Variants in RTN3 observed in about 807,000 individuals in gnomAD.
RTN3 encodes the protein reticulon-3.
A neutral mutation model predicts 77.8 loss-of-function variants in RTN3; 49 were observed. That is an observed-to-expected ratio of 0.63 (90% CI 0.50 to 0.80). The LOEUF (loss-of-function observed/expected upper bound fraction) is 0.80. Among genes scored for constraint, RTN3 ranks in the 30% least tolerant of loss-of-function variants. The pLI, the probability that RTN3 is intolerant of heterozygous loss-of-function variation, is 0.00. For synonymous variants in RTN3, 464 were observed against 446.9 expected (o/e 1.04, Z -0.48); for missense variants, 1,236 against 1,211.9 (o/e 1.02, Z -0.29).
intron 1 of RTN3, among the ~76,000 whole-genome samples, chr11:63,700,229 T>C (rs1388463619): frequency 1.3e-5 from 2 of 151,590 alleles, no homozygotes; most frequent in Non-Finnish European, 2.9e-5. Context: ...AGTAAATGCA[T>C]GTAGAAATGG....
chr11:63,683,322 C>G (rs1279704628), intron 1 of RTN3, among the ~76,000 whole-genome samples: 1 of 152,214 alleles, frequency 6.6e-6, no homozygotes, highest in Non-Finnish European at 1.5e-5. Flanking sequence ...AACTTAGCAA[C>G]TTGATCTTTT....
rs545469029 is a variant in RTN3, at chr11:63,726,112, C to T, written c.2530+5080C>T. On this transcript the variant is annotated intron_variant, in intron 3 of 8. Transcript: ENST00000377819. ...GGGAATCTGAAGTAATTTTTAAAAGCAATGTCAGAATGGTTTTCTTTTCTT... is the reference window on the plus strand; with the variant it reads ...GGGAATCTGAAGTAATTTTTAAAAGTAATGTCAGAATGGTTTTCTTTTCTT... Among the ~76,000 whole-genome samples the T allele has an allele frequency of 5.3e-4, 81 of 152,080 alleles. No individual in the cohort carries two copies. The Middle Eastern group carries it at 0.017, about 32-fold the overall frequency.
At chr11:63,694,010 C>T (rs1030126072) in intron 1 of RTN3, among the ~76,000 whole-genome samples, 3 of 152,008 alleles carry the variant, frequency 2.0e-5, no homozygotes, top group South Asian at 2.1e-4. Flanking sequence ...GTCCCAGCTC[C>T]TTAGGAGGCT....
intron 1 of RTN3, among the ~76,000 whole-genome samples, chr11:63,702,958 T>C (rs901749938): frequency 3.3e-5 from 5 of 152,152 alleles, no homozygotes; most frequent in Non-Finnish European, 7.3e-5. Context: ...GTGCTGGGAT[T>C]ACAGGTGTGA....
At chr11:63,721,448 G>A (rs978927284) in intron 3 of RTN3, among the ~76,000 whole-genome samples, 15 of 151,782 alleles carry the variant, frequency 9.9e-5, no homozygotes, top group African/African-American at 2.9e-4. Flanking sequence ...GGTGGCGGGC[G>A]CCTGTAGTCC....
intron 1 of RTN3, among the ~76,000 whole-genome samples, chr11:63,700,633 TCA>T (rs1313856857): frequency 2.6e-5 from 4 of 151,166 alleles, no homozygotes; most frequent in Non-Finnish European, 4.4e-5. Context: ...AGATGGAGTC[TCA>T]CTTTGTCACC....
At chr11:63,715,080 G>T (rs754142880) in intron 2 of RTN3, among the ~76,000 whole-genome samples, 1 of 152,016 alleles carries the variant, frequency 6.6e-6, no homozygotes, top group Non-Finnish European at 1.5e-5. Flanking sequence ...ATTCAATTTG[G>T]TTGCTTTCTT....
rs200098343 is a variant in RTN3, at chr11:63,719,043, G to A, written c.541G>A (p.Asp181Asn). 23 of 1,614,156 alleles carry A rather than the reference G, an allele frequency of 1.4e-5. No individual in the cohort carries two copies. The East Asian group carries it at 5.1e-4, about 36-fold the overall frequency. ...KKIGQVEEQIDKETKNPNGVS... is the reference protein window; with the variant it reads ...KKIGQVEEQINKETKNPNGVS... ...AATTGGTCAAGTGGAAGAGCAAATAGATAAAGAGACCAAGAACCCAAATGG... is the reference window on the plus strand; with the variant it reads ...AATTGGTCAAGTGGAAGAGCAAATAAATAAAGAGACCAAGAACCCAAATGG... The change falls in exon 3 of 9, where the codon GAT (aspartate) becomes AAT (asparagine). Residue 181 changes from aspartate (D) to asparagine (N), a missense_variant. By Grantham distance (23) the Asp-to-Asn change is conservative (BLOSUM62 1). This residue lies in a region of RTN3 where 1,056 missense variants were observed against 990.4 expected (regional missense o/e 1.07). Coordinates refer to ENST00000377819, the MANE Select transcript of RTN3 (RefSeq NM_001265589.2).
intron 1 of RTN3, among the ~76,000 whole-genome samples, chr11:63,688,937 C>T (rs1042156101): frequency 5.3e-5 from 8 of 152,130 alleles, no homozygotes; most frequent in African/African-American, 1.9e-4. Context: ...TGCAGAAAGA[C>T]ACTTCTCTTT....
chr11:63,758,135 T>C lies in RTN3; in HGVS notation c.3054-21T>C, dbSNP rs140997881. The C allele has an allele frequency of 7.5e-4, 1,128 of 1,506,764 alleles. 8 individuals carry two copies. The African/African-American group carries it at 0.014, about 19-fold the overall frequency. 93.3% of individuals were successfully genotyped at this position (1,506,764 alleles called of 1,614,324 possible). ...GCTAATGTTTTCACTTTCTTTCTTT[T>C]TCCCCTCCTTTTCTCAATAGGATCC... is the stretch of plus-strand genomic sequence containing the variant. On this transcript the variant is annotated intron_variant, in intron 8 of 8. Coordinates refer to ENST00000377819, the MANE Select transcript of RTN3 (RefSeq NM_001265589.2).
In RTN3 at chr11:63,681,539, G is replaced by C; in HGVS notation, c.-98G>C. On this transcript the variant is annotated 5_prime_UTR_variant, in exon 1 of 9. Coordinates refer to ENST00000377819, the MANE Select transcript of RTN3 (RefSeq NM_001265589.2). ...TGTCCTCGGAGCAGGCGGAGTAAAG[G>C]GACTTGAGCGAGCCAGTTGCCGGAT... 7.8e-7 allele frequency: 1 copy of C among 1,275,828 alleles called. No homozygotes were observed. Among genetic ancestry groups the C allele is most frequent in the Non-Finnish European group, 1.1e-6 (1 of 936,652 alleles). 79.0% of individuals were successfully genotyped at this position (1,275,828 alleles called of 1,614,324 possible). A position where few individuals can be genotyped will look rare whatever the true frequency, so the allele number is the denominator to read the frequency against.
chr11:63,687,969 G>A (rs974446004), intron 1 of RTN3, among the ~76,000 whole-genome samples: 1 of 152,098 alleles, frequency 6.6e-6, no homozygotes, highest in Non-Finnish European at 1.5e-5. Flanking sequence ...GCTGCCACCC[G>A]CTTCCACTGA....
rs187530822 is a variant in RTN3 at position 63,728,964 on chromosome 11, G to A, written c.2530+7932G>A. On this transcript the variant is annotated intron_variant, in intron 3 of 8. Coordinates refer to ENST00000377819, the MANE Select transcript of RTN3 (RefSeq NM_001265589.2). ...CAGGGAAATGACAATTATAATTAGA[G>A]CTTACTTCTTACTAGAAACCACAGA... 1.3e-3 allele frequency among the ~76,000 whole-genome samples: 193 copies of A among 151,500 alleles called. 1 individual carries two copies. The highest frequency in any genetic ancestry group is 4.2e-3 in the African/African-American group (175 of 41,360).
At chr11:63,725,453 T>A (rs1414870827) in intron 3 of RTN3, among the ~76,000 whole-genome samples, 5 of 152,064 alleles carry the variant, frequency 3.3e-5, no homozygotes, top group Non-Finnish European at 5.9e-5. Context: ...TCCTTTTTCT[T>A]TTTCTTTTTT....
intron 1 of RTN3, among the ~76,000 whole-genome samples, chr11:63,700,629 AG>A (rs1356233334): frequency 6.9e-6 from 1 of 144,784 alleles, no homozygotes; most frequent in Non-Finnish European, 1.5e-5. Flanking sequence ...TTTGAGATGG[AG>A]TCTCACTTTG....
intron 2 of RTN3, among the ~76,000 whole-genome samples, chr11:63,711,880 A>G (rs1266202240): frequency 6.6e-6 from 1 of 151,806 alleles, no homozygotes; most frequent in Non-Finnish European, 1.5e-5. Flanking sequence ...TTTTTTATAG[A>G]GAAGGGATCT....
chr11:63,731,039 A>G (rs1264940796), intron 3 of RTN3, among the ~76,000 whole-genome samples: 1 of 152,034 alleles, frequency 6.6e-6, no homozygotes, highest in Non-Finnish European at 1.5e-5. Context: ...ATAATATACT[A>G]CTAGGCCCAC....
In RTN3 at chr11:63,716,393, G is replaced by C. The variant is rs531253443; in HGVS notation, c.200-2309G>C. Reference sequence around the variant, plus strand: ...AGAACTTCTCTGTCACATTTTCCCAGTTACTCATTCATGCTCAAGGCATTG... The same window carrying C: ...AGAACTTCTCTGTCACATTTTCCCACTTACTCATTCATGCTCAAGGCATTG... On this transcript the variant is annotated intron_variant, in intron 2 of 8. Transcript: ENST00000377819. Among the ~76,000 whole-genome samples, 15 of 152,348 alleles carry C rather than the reference G, an allele frequency of 9.8e-5. No homozygotes were observed. The South Asian group carries it at 2.9e-3, about 29-fold the overall frequency.
In RTN3 at chr11:63,720,312, A is replaced by G. The variant is rs770450388; in HGVS notation, c.1810A>G (p.Ile604Val). ...GAGTGAAGTTGCTCCTGAAAAGCCT[A>G]TTACTACTGAGAACCCCAAACTTCC... ...DVSEVAPEKP[I>V]TTENPKLPST... Residue 604 changes from isoleucine (I) to valine (V), a missense_variant, in exon 3 of 9, where the codon ATT becomes GTT. Ile to Val is a conservative substitution (Grantham distance 29, BLOSUM62 3). This residue lies in a region of RTN3 where 1,056 missense variants were observed against 990.4 expected (regional missense o/e 1.07). Transcript: ENST00000377819. 6.8e-6 allele frequency: 11 copies of G among 1,613,680 alleles called. No homozygotes were observed. The highest frequency in any genetic ancestry group is 3.3e-5 in the Admixed American group (2 of 59,946).
Sources: gnomAD v4.1 joint callset for allele counts (sites outside exome capture counted in the v4.1 genomes callset) on GRCh38, gnomAD v4.1.1 for gene constraint, gnomAD v4.1.1 regional missense constraint, MANE v1.5 for transcripts, NCBI Gene and HGNC (gene_info 2026-07-23, HGNC 2026-07-21) for gene names.